ZNF133: variants seen among roughly 807,000 people sequenced by gnomAD.
ZNF133 encodes zinc finger protein 133 (clone pHZ-13).
In ZNF133, 26 loss-of-function variants were observed where a neutral mutation model predicts 54.9. The observed-to-expected ratio is 0.47, with a 90% CI of 0.35 to 0.66. The LOEUF is 0.66. Among genes scored for constraint, ZNF133 ranks in the 30% least tolerant of loss-of-function variants. The pLI, the probability that ZNF133 is intolerant of heterozygous loss-of-function variation, is 0.01. For synonymous variants in ZNF133, 298 were observed against 320.3 expected (o/e 0.93, Z 0.74); for missense variants, 653 against 820.8 (o/e 0.80, Z 2.50).
intron 3 of ZNF133, among the ~76,000 whole-genome samples, chr20:18,302,856 T>C (rs935401790): frequency 1.3e-5 from 2 of 152,032 alleles, no homozygotes; most frequent in African/African-American, 4.8e-5. Flanking sequence ...CAGTTGCATA[T>C]CTATACACTT....
intron 1 of ZNF133, chr20:18,295,601 G>A (rs1283839130): frequency 1.3e-5 from 2 of 152,020 alleles, no homozygotes; most frequent in South Asian, 2.1e-4. Flanking sequence ...TCCTGTCTTT[G>A]TGCTTTCTTT....
At chr20:18,306,451 G>C (rs145828097) in intron 6 of ZNF133, 58 bp downstream of exon 6, 7 of 1,546,492 alleles carry the variant, frequency 4.5e-6, no homozygotes, top group Non-Finnish European at 6.2e-6. Flanking sequence ...GAGGACTGGG[G>C]GAGAGGAGGC....
intron 3 of ZNF133, among the ~76,000 whole-genome samples, chr20:18,302,404 C>CAA (rs71194236): frequency 8.7e-6 from 1 of 114,588 alleles, no homozygotes; most frequent in East Asian, 2.5e-4. Context: ...AACTCTGTCT[C>CAA]AAAAAAAAAA....
At chr20:18,291,671 T>C (rs149298689) in intron 1 of ZNF133, among the ~76,000 whole-genome samples, 2,659 of 152,198 alleles carry the variant, frequency 0.017, 37 homozygotes, top group South Asian at 0.061. Flanking sequence ...ACTCACATCC[T>C]GGTCCCCTAC....
At chr20:18,300,626 A>G (rs1476277789) in intron 3 of ZNF133, among the ~76,000 whole-genome samples, 1 of 152,160 alleles carries the variant, frequency 6.6e-6, no homozygotes, top group Admixed American at 6.5e-5. Flanking sequence ...AGAATGGAAA[A>G]AGACGTTTCA....
intron 1 of ZNF133, 50 bp from the exon 2 acceptor site, chr20:18,297,935 G>T: frequency 7.9e-7 from 1 of 1,263,132 alleles, no homozygotes; most frequent in Non-Finnish European, 1.1e-6. Context: ...TTCACTCATG[G>T]GGAGAGCATT....
At position 18,305,880 on chromosome 20, in the gene ZNF133, T is replaced by C. The variant is rs886123437; in HGVS notation, c.121+73T>C. The C allele has an allele frequency of 5.8e-6, 9 of 1,544,092 alleles. No individual in the cohort carries two copies. In the Admixed American group the frequency reaches 1.8e-4, roughly 31 times the overall value. On this transcript the variant is annotated intron_variant, in intron 5 of 6. Transcript: ENST00000425686. This position sits in a 1 kb window ranked among gnomAD's most constrained non-coding sequence, Gnocchi z 4.7. Reference sequence around the variant, plus strand: ...TAGGCTATGCTTGAAGCAGCCATCTTGCTTTGTTACTTGACCTTTGGGTTG... The same window carrying C: ...TAGGCTATGCTTGAAGCAGCCATCTCGCTTTGTTACTTGACCTTTGGGTTG...
Position 18,291,758 on chromosome 20 carries a change from G to A in ZNF133, c.-432+3154G>A, listed in dbSNP as rs553755730. Reference sequence around the variant, plus strand: ...ACAGGAGTCTCGCTCTATCGCCCAGGCTGGAGTGCAGTGGCACAATCTCGG... The same window carrying A: ...ACAGGAGTCTCGCTCTATCGCCCAGACTGGAGTGCAGTGGCACAATCTCGG... On this transcript the variant is annotated intron_variant, in intron 1 of 6. Coordinates refer to ENST00000425686, the MANE Select transcript of ZNF133 (RefSeq NM_001352452.2). Among the ~76,000 whole-genome samples, 13 of 150,582 alleles carry A rather than the reference G, an allele frequency of 8.6e-5. No homozygotes were observed. In the South Asian group the frequency reaches 2.5e-3, roughly 29 times the overall value.
At chr20:18,298,179 C>T in intron 2 of ZNF133, 110 bp from the exon 3 acceptor site, 18 of 1,519,298 alleles carry the variant, frequency 1.2e-5, no homozygotes, top group Non-Finnish European at 1.6e-5. Flanking sequence ...TTACTTGCTC[C>T]CCTGCCTCAG....
In ZNF133 at chr20:18,316,394, A is replaced by G; in HGVS notation, c.1543A>G (p.Thr515Ala). 2 of 1,614,020 alleles carry G rather than the reference A, an allele frequency of 1.2e-6. No homozygotes were observed. Among genetic ancestry groups the G allele is most frequent in the Non-Finnish European group, 1.7e-6 (2 of 1,179,944 alleles). Reference sequence around the variant, plus strand: ...GTCAAACCTTGTTGCACACCAGAGGACGCACTCAGGGGAGAGGCCGTATGT... The same window carrying G: ...GTCAAACCTTGTTGCACACCAGAGGGCGCACTCAGGGGAGAGGCCGTATGT... ...QKSNLVAHQR[T>A]HSGERPYVCR... The change falls in exon 7 of 7, where the codon ACG (threonine) becomes GCG (alanine). Residue 515 changes from threonine (T) to alanine (A), a missense_variant. Thr to Ala is a moderately conservative substitution (Grantham distance 58, BLOSUM62 0). Transcript: ENST00000425686.
At chr20:18,306,806 TA>T (rs3079052) in intron 6 of ZNF133, 288,263 of 1,220,568 alleles carry the variant, frequency 0.24, 40,381 homozygotes, top group African/African-American at 0.58. Context: ...AATGGAATTC[TA>T]AAAAAAACTG....
At chr20:18,292,155 G>A (rs778576354) in intron 1 of ZNF133, among the ~76,000 whole-genome samples, 1 of 152,132 alleles carries the variant, frequency 6.6e-6, no homozygotes, top group East Asian at 1.9e-4. Context: ...TCATCTGGAC[G>A]ATCATAGCCT....
chr20:18,313,421 G>A (rs1295824089), intron 6 of ZNF133: 2 of 152,164 alleles, frequency 1.3e-5, no homozygotes, highest in Admixed American at 1.3e-4. Flanking sequence ...AGAAGCCTTG[G>A]TTCTTATAAG....
At chr20:18,310,243 G>T (rs1403348168) in intron 6 of ZNF133, 2 of 1,528,788 alleles carry the variant, frequency 1.3e-6, no homozygotes, top group African/African-American at 1.4e-5. Flanking sequence ...AAGTCATTGT[G>T]GTTGCCCAGG....
rs187818564 is a variant in ZNF133 at position 18,315,388 on chromosome 20, C to T, written c.537C>T (p.Asn179=). ...PPQRQPVSSR[N]GLRGVELEAS... ...AGAGGCAGCCAGTCAGCTCTCGGAA[C>T]GGCCTCAGAGGGGTGGAGTTAGAAG... is the stretch of plus-strand genomic sequence containing the variant. Residue 179 remains asparagine (N), a synonymous_variant, in exon 7 of 7, where the codon AAC becomes AAT. Coordinates refer to ENST00000425686, the MANE Select transcript of ZNF133 (RefSeq NM_001352452.2). 38 of 1,614,158 alleles carry T rather than the reference C, an allele frequency of 2.4e-5. No individual in the cohort carries two copies. In the South Asian group the frequency reaches 2.4e-4, roughly 10 times the overall value.
At position 18,305,953 on chromosome 20, in the gene ZNF133, G is replaced by C; in HGVS notation, c.121+146G>C. The C allele has an allele frequency of 9.1e-7, 1 of 1,094,872 alleles. No homozygotes were observed. The highest frequency in any genetic ancestry group is 1.3e-6 in the Non-Finnish European group (1 of 778,156). 67.8% of individuals were successfully genotyped at this position (1,094,872 alleles called of 1,614,324 possible). A position where few individuals can be genotyped will look rare whatever the true frequency, so the allele number is the denominator to read the frequency against. On this transcript the variant is annotated intron_variant, in intron 5 of 6. Coordinates refer to ENST00000425686, the MANE Select transcript of ZNF133 (RefSeq NM_001352452.2). This position sits in a 1 kb window ranked among gnomAD's most constrained non-coding sequence, Gnocchi z 4.7. ...ATTCGTGTTTCCCCAGGGAGGGTCT[G>C]ATTTTGCAGAGTGGAAAATGGGTAG...
At chr20:18,302,561 G>A (rs999553386) in intron 3 of ZNF133, among the ~76,000 whole-genome samples, 1 of 152,116 alleles carries the variant, frequency 6.6e-6, no homozygotes, top group African/African-American at 2.4e-5. Context: ...TCTATAATAA[G>A]GCCATATGCA....
At chr20:18,289,130 C>T (rs1181802031) in intron 1 of ZNF133, among the ~76,000 whole-genome samples, 1 of 152,094 alleles carries the variant, frequency 6.6e-6, no homozygotes, top group Non-Finnish European at 1.5e-5. Flanking sequence ...AGCGGTCTGG[C>T]TTGACCAAAC....
intron 1 of ZNF133, among the ~76,000 whole-genome samples, chr20:18,295,646 GA>G (rs2147007247): frequency 6.6e-6 from 1 of 151,966 alleles, no homozygotes; most frequent in African/African-American, 2.4e-5. Context: ...TTTGAGCTTG[GA>G]ATTTAATTAA....
Sources: gnomAD v4.1 joint callset for allele counts (sites outside exome capture counted in the v4.1 genomes callset) on GRCh38, gnomAD v4.1.1 for gene constraint, Gnocchi (gnomAD v3.1) non-coding constraint, MANE v1.5 for transcripts, NCBI Gene and HGNC (gene_info 2026-07-23, HGNC 2026-07-21) for gene names.